Variants in ESRRG observed in about 807,000 individuals in gnomAD.
ESRRG encodes estrogen related receptor gamma, also known as estrogen-related receptor gamma.
Under a neutral mutation model 44.0 loss-of-function variants are expected in ESRRG, and 13 were observed. That is an observed-to-expected ratio of 0.30 (90% CI 0.19 to 0.47). ESRRG has a LOEUF of 0.47. ESRRG is among the 20% of genes least tolerant of loss of function. The pLI, the probability that ESRRG is intolerant of heterozygous loss-of-function variation, is 1.00. For missense variants in ESRRG, 395 were observed against 580.6 expected, an observed-to-expected ratio of 0.68 and a Z score of 3.29; for synonymous variants, 215 against 214.6, an observed-to-expected ratio of 1.00 and a Z score of -0.02.
At chr1:216,589,000 A>G (rs2057186000) in intron 3 of ESRRG, among the ~76,000 whole-genome samples, 2 of 152,220 alleles carry the variant, frequency 1.3e-5, no homozygotes, top group Non-Finnish European at 2.9e-5. Context: ...AGCAAATGCC[A>G]AAACTCAGAT....
At chr1:216,974,591 A>T (rs1030819281) in intron 1 of ESRRG, among the ~76,000 whole-genome samples, 2 of 152,200 alleles carry the variant, frequency 1.3e-5, no homozygotes, top group Non-Finnish European at 2.9e-5. Context: ...TTTTTTAAAC[A>T]GAAAAAAATG....
At chr1:216,779,787 G>A (rs75640733) in intron 2 of ESRRG, among the ~76,000 whole-genome samples, 2,708 of 150,938 alleles carry the variant, frequency 0.018, 91 homozygotes, top group African/African-American at 0.061. Flanking sequence ...GCAGATGTTA[G>A]AAAAACATAT....
At chr1:216,910,121 A>C (rs1006784976) in intron 2 of ESRRG, among the ~76,000 whole-genome samples, 1 of 152,176 alleles carries the variant, frequency 6.6e-6, no homozygotes, top group African/African-American at 2.4e-5. Context: ...TTATATGAAT[A>C]TAAGAAAAAA....
intron 1 of ESRRG, among the ~76,000 whole-genome samples, chr1:217,025,626 C>T (rs1283630237): frequency 6.6e-6 from 1 of 152,178 alleles, no homozygotes; most frequent in Admixed American, 6.5e-5. Context: ...AGAAAAAAAG[C>T]ATAATCTCTG....
At chr1:217,048,788 T>G (rs1328662223) in intron 1 of ESRRG, among the ~76,000 whole-genome samples, 1 of 152,230 alleles carries the variant, frequency 6.6e-6, no homozygotes, top group African/African-American at 2.4e-5. Context: ...CAACATTTTC[T>G]TTACATGTCT....
chr1:216,538,497 G>A (rs181511305), intron 5 of ESRRG, among the ~76,000 whole-genome samples: 15 of 152,118 alleles, frequency 9.9e-5, no homozygotes, highest in Admixed American at 9.2e-4. Context: ...AAATCAGAAC[G>A]TGGTGAAACC....
chr1:216,529,027 C>T (rs2048498783), intron 5 of ESRRG, among the ~76,000 whole-genome samples: 1 of 152,106 alleles, frequency 6.6e-6, no homozygotes, highest in Non-Finnish European at 1.5e-5. Flanking sequence ...TGTCTTTACA[C>T]ACAGGTGTTA....
chr1:216,791,136 A>C (rs925008051), intron 2 of ESRRG, among the ~76,000 whole-genome samples: 1 of 152,092 alleles, frequency 6.6e-6, no homozygotes, highest in Non-Finnish European at 1.5e-5. Context: ...CCCCAACCAA[A>C]TCTCATGTTG....
chr1:217,053,082 T>G (rs1197627656), intron 1 of ESRRG, among the ~76,000 whole-genome samples: 1 of 149,050 alleles, frequency 6.7e-6, no homozygotes. Context: ...GAAGGATTGC[T>G]TGAGCCTAGA....
At chr1:216,983,392 T>C (rs1300364842) in intron 1 of ESRRG, among the ~76,000 whole-genome samples, 1 of 151,914 alleles carries the variant, frequency 6.6e-6, no homozygotes, top group Non-Finnish European at 1.5e-5. Flanking sequence ...CCACCACACC[T>C]GGCTAACTTT....
At chr1:216,962,565 TTCTTTTTTCTTTTCTTTTC>T (rs1230372534) in intron 1 of ESRRG, among the ~76,000 whole-genome samples, 2 of 152,152 alleles carry the variant, frequency 1.3e-5, no homozygotes, top group East Asian at 1.9e-4. Flanking sequence ...AATCTTTTTT[TTCTTTTTTCTTTTCTTTTC>T]TCTTTTTTCT....
intron 1 of ESRRG, among the ~76,000 whole-genome samples, chr1:216,990,213 A>G (rs1311623653): frequency 6.6e-6 from 1 of 152,198 alleles, no homozygotes; most frequent in Non-Finnish European, 1.5e-5. Context: ...CATTTCTAGA[A>G]AAATGGATGC....
intron 1 of ESRRG, among the ~76,000 whole-genome samples, chr1:216,976,109 T>C (rs1001069916): frequency 3.9e-5 from 6 of 152,142 alleles, no homozygotes; most frequent in Non-Finnish European, 7.4e-5. Context: ...TGGAAAGGTG[T>C]ATCTAACAAA....
chr1:217,124,909 A>T (rs988544690), intron 1 of ESRRG, among the ~76,000 whole-genome samples: 3 of 152,176 alleles, frequency 2.0e-5, no homozygotes, highest in African/African-American at 7.2e-5. Flanking sequence ...ATCCCTTCTC[A>T]TGCTGCCCTT....
intron 1 of ESRRG, among the ~76,000 whole-genome samples, chr1:217,100,811 C>T (rs183828919): frequency 4.5e-4 from 68 of 152,230 alleles, no homozygotes; most frequent in Non-Finnish European, 7.6e-4. Context: ...TTACTTATTA[C>T]CCCAAGGATG....
chr1:216,857,362 GAA>G (rs769553632), intron 2 of ESRRG, among the ~76,000 whole-genome samples: 7 of 125,236 alleles, frequency 5.6e-5, no homozygotes, highest in Non-Finnish European at 3.4e-5. Flanking sequence ...CACCCTTTGG[GAA>G]AAAAAAAAAA....
At position 216,993,075 on chromosome 1, in the gene ESRRG, T is replaced by C. The variant is rs61816709; in HGVS notation, c.-105-53402A>G. ...GTAAGTTTCAAAAAAGTAGGAGCTC[T>C]AACTTCATTGTTTACTCTTAGATCT... On this transcript the variant is annotated intron_variant, in intron 1 of 7. Transcript: ENST00000359162. Among the ~76,000 whole-genome samples the C allele has an allele frequency of 4.5e-3, 690 of 152,382 alleles. 11 individuals are homozygous for C. Among genetic ancestry groups the C allele is most frequent in the Middle Eastern group, 6.8e-3 (2 of 294 alleles).
chr1:216,539,727 G>A (rs554620609), intron 5 of ESRRG, among the ~76,000 whole-genome samples: 1 of 151,986 alleles, frequency 6.6e-6, no homozygotes, highest in Non-Finnish European at 1.5e-5. Context: ...AAAAATGAAT[G>A]AAGAGATGAA....
chr1:217,050,426 G>A (rs560811822), intron 1 of ESRRG, among the ~76,000 whole-genome samples: 22 of 152,244 alleles, frequency 1.4e-4, no homozygotes, highest in Admixed American at 6.5e-4. Context: ...AGGTCATTTG[G>A]GGACAACTGA....
Sources: allele counts gnomAD v4.1 joint callset (sites outside exome capture counted in the v4.1 genomes callset), GRCh38; gene constraint gnomAD v4.1.1; transcripts MANE v1.5; gene names NCBI Gene and HGNC (gene_info 2026-07-23, HGNC 2026-07-21).